GRB14: variants seen among roughly 807,000 people sequenced by gnomAD.
The protein encoded by GRB14 is growth factor receptor bound protein 14, also known as growth factor receptor-bound protein 14.
GRB14 carries 38 observed loss-of-function variants against 69.1 expected under a neutral mutation model. The observed-to-expected ratio is 0.55, with a 90% CI of 0.42 to 0.72. The LOEUF is 0.72. Among genes scored for constraint, GRB14 ranks in the 30% least tolerant of loss-of-function variants. GRB14 has a pLI of 0.00. For synonymous variants in GRB14, 247 were observed against 241.3 expected, an observed-to-expected ratio of 1.02 and a Z score of -0.22; for missense variants, 666 against 666.1, an observed-to-expected ratio of 1.00 and a Z score of 0.00.
rs75026279 is a variant in GRB14, at chr2:164,578,599, T to G, written c.325-30783A>C. The stretch of plus-strand genomic sequence containing the variant: ...CTTAAAAAGATAATCTCATCAGTGA[T>G]ACGAGAAACATACATTAACATAAGG... On this transcript the variant is annotated intron_variant, in intron 2 of 13. Coordinates refer to ENST00000263915, the MANE Select transcript of GRB14 (RefSeq NM_004490.3). 3.3e-3 allele frequency among the ~76,000 whole-genome samples: 499 copies of G among 151,514 alleles called. 9 individuals are homozygous for G. Among genetic ancestry groups the G allele is most frequent in the Admixed American group, 0.022 (338 of 15,184 alleles).
intron 2 of GRB14, among the ~76,000 whole-genome samples, chr2:164,575,105 A>G (rs964811968): frequency 3.3e-5 from 5 of 152,194 alleles, no homozygotes; most frequent in African/African-American, 4.8e-5. Context: ...CTCCACAGCA[A>G]CATTCAACAG....
At chr2:164,546,897 C>A (rs1379425219) in intron 3 of GRB14, among the ~76,000 whole-genome samples, 4 of 152,102 alleles carry the variant, frequency 2.6e-5, no homozygotes, top group African/African-American at 9.7e-5. Flanking sequence ...CCCACAGGTC[C>A]CCTGGCCATG....
intron 2 of GRB14, among the ~76,000 whole-genome samples, chr2:164,553,662 T>A (rs1347788992): frequency 1.3e-5 from 2 of 152,162 alleles, no homozygotes; most frequent in Non-Finnish European, 2.9e-5. Flanking sequence ...TTCTATTTAT[T>A]CCTCCTTAAA....
At chr2:164,585,084 GCTTTTTTTTTTTTTTT>G (rs1364676708) in intron 2 of GRB14, among the ~76,000 whole-genome samples, 1 of 94,210 alleles carries the variant, frequency 1.1e-5, no homozygotes, top group African/African-American at 4.2e-5. Context: ...ACCATGCCTG[GCTTTTTTTTTTTTTTT>G]TTTTTTTTTT....
chr2:164,520,027 T>C (rs958973757), intron 6 of GRB14, among the ~76,000 whole-genome samples: 3 of 151,956 alleles, frequency 2.0e-5, no homozygotes, highest in African/African-American at 7.2e-5. Flanking sequence ...AAAATTTGTA[T>C]GGAACCAAAA....
At position 164,508,776 on chromosome 2, in the gene GRB14, T is replaced by G. The variant is rs750943071; in HGVS notation, c.893A>C (p.His298Pro). The change falls in exon 7 of 14, where the codon CAT (histidine) becomes CCT (proline). Residue 298 changes from histidine to proline, a missense_variant. By Grantham distance (77) the His-to-Pro change is moderately conservative (BLOSUM62 -2). Transcript: ENST00000263915. ...IYVSLAGKKK[H>P]GAPTNYGFCF... is the part of the protein sequence containing the mutation. ...GAATCCATAGTTAGTCGGTGCTCCATGTTTTTTTTTGCCTGCCAGTGACAC... is the reference window on the plus strand; with the variant it reads ...GAATCCATAGTTAGTCGGTGCTCCAGGTTTTTTTTTGCCTGCCAGTGACAC... 1 of 1,591,448 alleles carries G rather than the reference T, an allele frequency of 6.3e-7. No individual in the cohort carries two copies. The highest frequency in any genetic ancestry group is 8.5e-7 in the Non-Finnish European group (1 of 1,172,430).
intron 9 of GRB14, among the ~76,000 whole-genome samples, chr2:164,499,568 T>C (rs1299302787): frequency 6.6e-6 from 1 of 152,146 alleles, no homozygotes; most frequent in Non-Finnish European, 1.5e-5. Context: ...ACTTCTCCCC[T>C]TTTCTAGCTC....
intron 3 of GRB14, among the ~76,000 whole-genome samples, chr2:164,529,788 A>C (rs545448212): frequency 6.6e-6 from 1 of 152,270 alleles, no homozygotes; most frequent in African/African-American, 2.4e-5. Flanking sequence ...AAACCTCCTA[A>C]AACATGTGTA....
intron 2 of GRB14, among the ~76,000 whole-genome samples, chr2:164,582,255 A>T (rs1049243234): frequency 3.9e-5 from 6 of 152,128 alleles, no homozygotes; most frequent in Non-Finnish European, 7.3e-5. Flanking sequence ...TGGCCACCAT[A>T]TACATCAAGT....
chr2:164,586,466 A>T (rs1478100160), intron 2 of GRB14, among the ~76,000 whole-genome samples: 2 of 152,158 alleles, frequency 1.3e-5, no homozygotes, highest in Non-Finnish European at 2.9e-5. Flanking sequence ...AATACTATAG[A>T]TCCCCCTGTT....
intron 2 of GRB14, among the ~76,000 whole-genome samples, chr2:164,581,960 AT>A: frequency 6.6e-6 from 1 of 152,314 alleles, no homozygotes; most frequent in Admixed American, 6.5e-5. Context: ...CTTCAGCATC[AT>A]ATTGGCATTC....
intron 2 of GRB14, among the ~76,000 whole-genome samples, chr2:164,616,268 C>CA (rs59327585): frequency 9.9e-5 from 15 of 151,048 alleles, no homozygotes; most frequent in East Asian, 9.8e-4. Context: ...ACTAAAAATA[C>CA]AAAAAAAATT....
intron 2 of GRB14, among the ~76,000 whole-genome samples, chr2:164,608,637 G>T (rs1246000586): frequency 6.6e-6 from 1 of 151,722 alleles, no homozygotes; most frequent in Non-Finnish European, 1.5e-5. Flanking sequence ...GAGTTCTGGG[G>T]AGTATGATGA....
chr2:164,605,245 G>A (rs1389586668), intron 2 of GRB14, among the ~76,000 whole-genome samples: 3 of 152,134 alleles, frequency 2.0e-5, no homozygotes, highest in Non-Finnish European at 2.9e-5. Flanking sequence ...TGGATGAGGA[G>A]AGAGAAATAA....
intron 13 of GRB14, among the ~76,000 whole-genome samples, chr2:164,493,860 A>G (rs1235809031): frequency 1.3e-5 from 2 of 152,092 alleles, no homozygotes; most frequent in African/African-American, 4.8e-5. Flanking sequence ...CAGTTCCAAT[A>G]TACTATACAC....
At chr2:164,522,659 G>A (rs73971025) in intron 5 of GRB14, among the ~76,000 whole-genome samples, 6,801 of 152,092 alleles carry the variant, frequency 0.045, 507 homozygotes, top group African/African-American at 0.15. Context: ...TCCTTGAGGC[G>A]GGTAAAGCAA....
At chr2:164,592,972 A>G (rs947947471) in intron 2 of GRB14, among the ~76,000 whole-genome samples, 8 of 152,214 alleles carry the variant, frequency 5.3e-5, no homozygotes, top group African/African-American at 1.9e-4. Context: ...TGTAGTTGCA[A>G]GTGTGCAAAA....
intron 2 of GRB14, among the ~76,000 whole-genome samples, chr2:164,556,371 AAC>A (rs1292781668): frequency 6.6e-6 from 1 of 152,224 alleles, no homozygotes; most frequent in African/African-American, 2.4e-5. Context: ...GATAGTCAAA[AAC>A]ACATTTTCCT....
chr2:164,526,362 C>T (rs1030306496), intron 4 of GRB14, among the ~76,000 whole-genome samples: 1 of 151,974 alleles, frequency 6.6e-6, no homozygotes, highest in East Asian at 1.9e-4. Flanking sequence ...TTTTCTAGAT[C>T]CCTAGTCTTC....
Sources: gnomAD v4.1 joint callset for allele counts (sites outside exome capture counted in the v4.1 genomes callset) on GRCh38, gnomAD v4.1.1 for gene constraint, MANE v1.5 for transcripts, NCBI Gene and HGNC (gene_info 2026-07-23, HGNC 2026-07-21) for gene names.